RIMS1: variants seen among roughly 807,000 people sequenced by gnomAD.
The protein encoded by RIMS1 is regulating synaptic membrane exocytosis 1.
RIMS1 carries 83 observed loss-of-function variants against 214.1 expected under a neutral mutation model. The observed-to-expected ratio is 0.39, with a 90% CI of 0.32 to 0.47. The LOEUF is 0.47. Ranked by LOEUF, RIMS1 falls within the 20% of genes least tolerant of loss-of-function variation. The pLI is 0.99. For missense variants in RIMS1, 2,050 were observed against 2,161.8 expected, an observed-to-expected ratio of 0.95 and a Z score of 1.03; for synonymous variants, 793 against 786.8, an observed-to-expected ratio of 1.01 and a Z score of -0.13.
chr6:72,389,177 A>G (rs879500260), intron 29 of RIMS1, among the ~76,000 whole-genome samples: 6 of 152,202 alleles, frequency 3.9e-5, no homozygotes, highest in Non-Finnish European at 7.3e-5. Context: ...AGAAGGAAAA[A>G]CGGAGAATGT....
chr6:72,237,784 G>A, intron 8 of RIMS1, 39 bp from the exon 9 acceptor site: 1 of 1,381,526 alleles, frequency 7.2e-7, no homozygotes, highest in Non-Finnish European at 1.0e-6. Flanking sequence ...TTATGTTTTA[G>A]TATGAGTCTT....
intron 29 of RIMS1, among the ~76,000 whole-genome samples, chr6:72,341,138 C>A (rs901256597): frequency 1.3e-5 from 2 of 151,930 alleles, no homozygotes; most frequent in East Asian, 3.9e-4. Context: ...GATTTTGTAT[C>A]CTGAGACTTT....
intron 2 of RIMS1, among the ~76,000 whole-genome samples, chr6:72,013,436 T>C (rs1009778068): frequency 3.3e-5 from 5 of 152,188 alleles, no homozygotes; most frequent in African/African-American, 9.6e-5. Context: ...ATGTAGATAG[T>C]ATAAGACAAA....
At position 72,260,518 on chromosome 6, in the gene RIMS1, ATAT is replaced by A. The variant is rs10580836; in HGVS notation, c.3054-185_3054-183del. On this transcript the variant is annotated intron_variant, in intron 18 of 33. Transcript: ENST00000521978. ...AGCAACAGCTAGGACTTCAACCATAATATTTGTACTTTATTGTTTAAATTTTTT... is the reference window on the plus strand; with the variant it reads ...AGCAACAGCTAGGACTTCAACCATAATTGTACTTTATTGTTTAAATTTTTT... 5.8e-3 allele frequency among the ~76,000 whole-genome samples: 880 copies of A among 152,290 alleles called. 32 individuals carry two copies. Among genetic ancestry groups the A allele is most frequent in the Admixed American group, 0.048 (729 of 15,272 alleles).
intron 1 of RIMS1, among the ~76,000 whole-genome samples, chr6:71,940,340 A>G (rs150328010): frequency 2.3e-3 from 343 of 152,336 alleles, no homozygotes; most frequent in African/African-American, 7.7e-3. Flanking sequence ...CACAGGGTTC[A>G]CACATGGAGT....
At chr6:72,356,601 A>C (rs1389138917) in intron 29 of RIMS1, among the ~76,000 whole-genome samples, 2 of 150,674 alleles carry the variant, frequency 1.3e-5, no homozygotes, top group Admixed American at 6.6e-5. Flanking sequence ...TCTACTAAAA[A>C]TACAAAAAAT....
intron 1 of RIMS1, among the ~76,000 whole-genome samples, chr6:71,894,836 T>TA (rs1338698796): frequency 3.9e-5 from 6 of 152,214 alleles, no homozygotes; most frequent in Non-Finnish European, 7.3e-5. Flanking sequence ...AATATGTAAG[T>TA]AATCAATGCA....
At chr6:71,988,447 A>T (rs926010574) in intron 2 of RIMS1, among the ~76,000 whole-genome samples, 1 of 152,210 alleles carries the variant, frequency 6.6e-6, no homozygotes, top group African/African-American at 2.4e-5. Context: ...GGAATTAAAA[A>T]AAAAAACTTG....
chr6:71,932,394 T>C (rs928917774), intron 1 of RIMS1, among the ~76,000 whole-genome samples: 1 of 152,120 alleles, frequency 6.6e-6, no homozygotes, highest in Non-Finnish European at 1.5e-5. Context: ...AAATACTGCA[T>C]GTTCTCACTT....
chr6:71,973,817 C>T (rs1796484474), intron 2 of RIMS1, among the ~76,000 whole-genome samples: 2 of 152,174 alleles, frequency 1.3e-5, no homozygotes, highest in African/African-American at 4.8e-5. Context: ...TAGAAATACA[C>T]GTGCAACTAG....
chr6:71,922,490 T>G (rs921717190), intron 1 of RIMS1, among the ~76,000 whole-genome samples: 2 of 152,174 alleles, frequency 1.3e-5, no homozygotes, highest in Admixed American at 1.3e-4. Flanking sequence ...CAGTGAGACA[T>G]GACCCCATCA....
At chr6:72,169,343 A>G (rs193249650) in intron 4 of RIMS1, among the ~76,000 whole-genome samples, 1 of 152,280 alleles carries the variant, frequency 6.6e-6, no homozygotes, top group East Asian at 1.9e-4. Flanking sequence ...AGGGCTTGAG[A>G]TCAAAATATT....
chr6:72,218,107 C>CTTTT (rs145835882), intron 6 of RIMS1, among the ~76,000 whole-genome samples: 38 of 145,018 alleles, frequency 2.6e-4, no homozygotes, highest in African/African-American at 6.1e-4. Context: ...GGTTTTTTTG[C>CTTTT]TTTTTTTTTT....
At chr6:72,097,275 G>A (rs1528505) in intron 3 of RIMS1, 113 bp downstream of exon 3, 420,283 of 861,902 alleles carry the variant, frequency 0.49, 106,713 homozygotes, top group South Asian at 0.51. Context: ...AAACATACAC[G>A]TTAAAATGAA....
At chr6:71,975,709 TACC>T (rs1796951392) in intron 2 of RIMS1, among the ~76,000 whole-genome samples, 1 of 152,170 alleles carries the variant, frequency 6.6e-6, no homozygotes, top group African/African-American at 2.4e-5. Flanking sequence ...AGAAATTTCA[TACC>T]TTTTAGCTTT....
At chr6:72,353,478 G>A (rs1292426736) in intron 29 of RIMS1, among the ~76,000 whole-genome samples, 1 of 152,132 alleles carries the variant, frequency 6.6e-6, no homozygotes, top group East Asian at 1.9e-4. Context: ...TTGACTCTTA[G>A]AGTCCAGGTT....
At chr6:72,183,212 C>T in intron 6 of RIMS1, 63 bp downstream of exon 6, 7 of 1,523,662 alleles carry the variant, frequency 4.6e-6, no homozygotes, top group Non-Finnish European at 6.2e-6. Flanking sequence ...GGCAGAGGTG[C>T]AGGTGCTAGG....
At chr6:71,921,874 C>T (rs1170003850) in intron 1 of RIMS1, among the ~76,000 whole-genome samples, 1 of 152,174 alleles carries the variant, frequency 6.6e-6, no homozygotes, top group African/African-American at 2.4e-5. Context: ...TTTCTGATGA[C>T]ATTTCTCTCT....
chr6:72,340,281 T>C (rs1181975841), intron 29 of RIMS1, among the ~76,000 whole-genome samples: 3 of 151,810 alleles, frequency 2.0e-5, no homozygotes, highest in East Asian at 1.9e-4. Flanking sequence ...AGAAGCTCTT[T>C]AGTTTAATTA....
Sources: gnomAD v4.1 joint callset for allele counts (sites outside exome capture counted in the v4.1 genomes callset) on GRCh38, gnomAD v4.1.1 for gene constraint, MANE v1.5 for transcripts, NCBI Gene and HGNC (gene_info 2026-07-23, HGNC 2026-07-21) for gene names.